The following SLC44A2 variants were observed in gnomAD, a reference collection of about 807,000 sequenced individuals.
The protein encoded by SLC44A2 is solute carrier family 44 member 2 (CTL2 blood group), also known as choline transporter-like protein 2.
SLC44A2 carries 57 observed loss-of-function variants against 90.8 expected under a neutral mutation model. That is an observed-to-expected ratio of 0.63 (90% confidence interval 0.51 to 0.78). The LOEUF (loss-of-function observed/expected upper bound fraction) is 0.78. Ranked by LOEUF, SLC44A2 falls within the 30% of genes least tolerant of loss-of-function variation. The pLI is 0.00. For missense variants in SLC44A2, 794 were observed against 919.7 expected, an observed-to-expected ratio of 0.86 and a Z score of 1.77; for synonymous variants, 355 against 360.7, an observed-to-expected ratio of 0.98 and a Z score of 0.18.
chr19:10,630,553 C>T (rs1230035620), intron 4 of SLC44A2, among the ~76,000 whole-genome samples: 2 of 150,476 alleles, frequency 1.3e-5, no homozygotes, highest in Non-Finnish European at 2.9e-5. Flanking sequence ...CCCAGCTACT[C>T]GGGAGGCTGA....
At chr19:10,635,753 C>T (rs903973382) in intron 14 of SLC44A2, 16 of 393,690 alleles carry the variant, frequency 4.1e-5, no homozygotes, top group Non-Finnish European at 7.3e-5. Context: ...GGTGCTAAAT[C>T]ACCCATTTTT....
rs151064433 is a variant in SLC44A2 at position 10,632,259 on chromosome 19, G to A, written c.823+103G>A. On this transcript the variant is annotated intron_variant, in intron 10 of 21. Transcript: ENST00000335757. ...CAGGAAAACAAAAAAAAGTCAGGCC[G>A]GGCGTGGTGGCTCACGCCTGTAATC... The A allele has an allele frequency of 1.4e-4, 141 of 1,035,954 alleles. No individual in the cohort carries two copies. In the African/African-American group the frequency reaches 1.9e-3, roughly 14 times the overall value. The allele number at this position is 1,035,954 out of a possible 1,614,324, so 64.2% of individuals were successfully genotyped here. A position where few individuals can be genotyped will look rare whatever the true frequency, so the allele number is the denominator to read the frequency against.
At chr19:10,632,733 C>T (rs558379776) in intron 10 of SLC44A2, among the ~76,000 whole-genome samples, 23 of 148,832 alleles carry the variant, frequency 1.5e-4, no homozygotes, top group Non-Finnish European at 2.4e-4. Context: ...AGTGCCATGG[C>T]GCGATCTTGG....
chr19:10,634,825 A>G lies in SLC44A2; in HGVS notation c.893A>G (p.Asp298Gly). ...GCCGGCTCTGATGTCTCTTTGGTGGACCTCGGCTTTCAGACGGATTTCCGG... is the reference window on the plus strand; with the variant it reads ...GCCGGCTCTGATGTCTCTTTGGTGGGCCTCGGCTTTCAGACGGATTTCCGG... Reference protein sequence around the residue: ...GEAGSDVSLVDLGFQTDFRVY... With the variant: ...GEAGSDVSLVGLGFQTDFRVY... The change falls in exon 11 of 22, where the codon GAC becomes GGC. Residue 298 changes from aspartate to glycine, a missense_variant. Physicochemically the swap from Asp to Gly is moderately conservative, Grantham distance 94 (BLOSUM62 -1). Coordinates refer to ENST00000335757, the MANE Select transcript of SLC44A2 (RefSeq NM_020428.4). 6.2e-7 allele frequency: 1 copy of G among 1,614,016 alleles called. No homozygotes were observed. Among genetic ancestry groups the G allele is most frequent in the Non-Finnish European group, 8.5e-7 (1 of 1,180,016 alleles).
In SLC44A2 at chr19:10,631,140, A is replaced by G. The variant is rs2066989515; in HGVS notation, c.329A>G (p.Gln110Arg). Reference protein sequence around the residue: ...VLLEFQCPTPQICVEKCPDRY... With the variant: ...VLLEFQCPTPRICVEKCPDRY... The stretch of plus-strand genomic sequence containing the variant: ...CTGGAATTCCAATGTCCCACTCCCC[A>G]GGTAACCTGGTCCCCACCGTTCCCT... The change falls in exon 5 of 22, where the codon CAG becomes CGG. Residue 110 changes from glutamine (Q) to arginine (R), a missense_variant and splice_region_variant. Gln to Arg is a conservative substitution (Grantham distance 43, BLOSUM62 1). Coordinates refer to ENST00000335757, the MANE Select transcript of SLC44A2 (RefSeq NM_020428.4). 6.2e-7 allele frequency: 1 copy of G among 1,613,360 alleles called. No individual in the cohort carries two copies. Among genetic ancestry groups the G allele is most frequent in the Non-Finnish European group, 8.5e-7 (1 of 1,179,700 alleles).
intron 1 of SLC44A2, among the ~76,000 whole-genome samples, chr19:10,613,247 TTTTC>T (rs1278457988): frequency 1.3e-5 from 2 of 150,486 alleles, no homozygotes; most frequent in African/African-American, 2.4e-5. Flanking sequence ...TTACTTTTTA[TTTTC>T]TTTCTTTTTT....
At chr19:10,607,948 G>A (rs1344441782) in intron 1 of SLC44A2, among the ~76,000 whole-genome samples, 2 of 149,970 alleles carry the variant, frequency 1.3e-5, no homozygotes, top group East Asian at 2.0e-4. Context: ...TAGTAGAGAC[G>A]GGATTTCACC....
In SLC44A2 at chr19:10,631,549, T is replaced by TC. The variant is rs767835027; in HGVS notation, c.502+17dup. On this transcript the variant is annotated intron_variant, in intron 7 of 21. Coordinates refer to ENST00000335757, the MANE Select transcript of SLC44A2 (RefSeq NM_020428.4). Reference sequence around the variant, plus strand: ...CCAGCAAACCCTGTGAGTCAGGGGATCCCAGGAGGCTCAGGTGGTGACGGG... The same window carrying TC: ...CCAGCAAACCCTGTGAGTCAGGGGATCCCCAGGAGGCTCAGGTGGTGACGGG... The TC allele has an allele frequency of 6.2e-7, 1 of 1,613,994 alleles. No homozygotes were observed. The highest frequency in any genetic ancestry group is 2.2e-5 in the East Asian group (1 of 44,880).
In SLC44A2 at chr19:10,638,268, G is replaced by A. The variant is rs753856028; in HGVS notation, c.1882G>A (p.Val628Met). Reference sequence around the variant, plus strand: ...CTTCTTCACCCACCGTATCAGGATCGTGCAGGATACAGCACCACCCCTCAA... The same window carrying A: ...CTTCTTCACCCACCGTATCAGGATCATGCAGGATACAGCACCACCCCTCAA... ...FFFFTHRIRI[V>M]QDTAPPLNYY... The change falls in exon 20 of 22, where the codon GTG (valine) becomes ATG (methionine). Residue 628 changes from valine (V) to methionine (M), a missense_variant. Val to Met is a conservative substitution (Grantham distance 21). This residue lies in a region of SLC44A2 where 738 missense variants were observed against 841.1 expected (regional missense o/e 0.88). Coordinates refer to ENST00000335757, the MANE Select transcript of SLC44A2 (RefSeq NM_020428.4). The A allele has an allele frequency of 6.8e-6, 11 of 1,613,906 alleles. No homozygotes were observed. The highest frequency in any genetic ancestry group is 5.3e-5 in the African/African-American group (4 of 74,872).
In SLC44A2 at chr19:10,638,103, G is replaced by A. The variant is rs751918525; in HGVS notation, c.1840+10G>A. 24 of 1,613,624 alleles carry A rather than the reference G, an allele frequency of 1.5e-5. No homozygotes were observed. The highest frequency in any genetic ancestry group is 4.0e-5 in the African/African-American group (3 of 74,786). On this transcript the variant is annotated intron_variant, in intron 19 of 21. Coordinates refer to ENST00000335757, the MANE Select transcript of SLC44A2 (RefSeq NM_020428.4). ...ATCGTTGGTAGTGTGGGTGAGTGCC[G>A]CCCACCTAGCCTCTCGGGGTGTGGG...
intron 21 of SLC44A2, 77 bp from the exon 22 acceptor site, chr19:10,643,202 C>T: frequency 6.6e-7 from 1 of 1,521,190 alleles, no homozygotes; most frequent in Non-Finnish European, 8.8e-7. Flanking sequence ...CTGTGACCCT[C>T]ATCCACCTAC....
intron 20 of SLC44A2, chr19:10,641,323 G>A (rs1257422249): frequency 2.4e-6 from 1 of 410,372 alleles, no homozygotes; most frequent in Non-Finnish European, 4.8e-6. Flanking sequence ...GAGCCTGGGA[G>A]GTCAAGGCTG....
chr19:10,613,974 T>C (rs1362745472), intron 1 of SLC44A2, among the ~76,000 whole-genome samples: 1 of 151,948 alleles, frequency 6.6e-6, no homozygotes, highest in Admixed American at 6.6e-5. Flanking sequence ...TTATTATTAT[T>C]ATTATTTTTG....
chr19:10,617,832 C>T (rs1192144614), intron 1 of SLC44A2, among the ~76,000 whole-genome samples: 4 of 152,188 alleles, frequency 2.6e-5, no homozygotes, highest in Admixed American at 6.6e-5. Context: ...CTCTATGCAG[C>T]CGCTCACCCT....
At chr19:10,637,779 C>T (rs772813816) in intron 17 of SLC44A2, 32 bp downstream of exon 17, 3 of 1,613,386 alleles carry the variant, frequency 1.9e-6, no homozygotes, top group Admixed American at 3.3e-5. Context: ...AACCAACCCG[C>T]CAGCTCCTGC....
chr19:10,637,467 A>G lies in SLC44A2; in HGVS notation c.1592-177A>G, dbSNP rs559519808. The G allele has an allele frequency of 8.8e-4, 538 of 610,036 alleles. 9 individuals carry two copies. The South Asian group carries it at 0.01, about 12-fold the overall frequency. 37.8% of individuals were successfully genotyped at this position (610,036 alleles called of 1,614,324 possible). A position where few individuals can be genotyped will look rare whatever the true frequency, so the allele number is the denominator to read the frequency against. On this transcript the variant is annotated intron_variant, in intron 16 of 21. Transcript: ENST00000335757. ...CACCCTGTCACCCAGGCTGGAGTGC[A>G]GTGGCACCATCATAGCTCACTGCAG...
chr19:10,616,387 C>T (rs978755647), intron 1 of SLC44A2, among the ~76,000 whole-genome samples: 6 of 151,924 alleles, frequency 3.9e-5, no homozygotes, highest in Admixed American at 6.6e-5. Flanking sequence ...CATGTCACCA[C>T]GCCCAGTTAA....
In SLC44A2 at chr19:10,634,852, T is replaced by C. The variant is rs760425157; in HGVS notation, c.920T>C (p.Val307Ala). ...CTCGGCTTTCAGACGGATTTCCGGG[T>C]GTACCTGCACTTACGGCAGACCTGG... ...VDLGFQTDFR[V>A]YLHLRQTWLA... Residue 307 changes from valine to alanine, a missense_variant, in exon 11 of 22, where the codon GTG becomes GCG. Around this residue, in one of 3 missense-constraint regions of SLC44A2, gnomAD observed 738 missense variants for 841.1 expected, o/e 0.88. Transcript: ENST00000335757. 1 of 1,614,134 alleles carries C rather than the reference T, an allele frequency of 6.2e-7. No individual in the cohort carries two copies. The highest frequency in any genetic ancestry group is 1.1e-5 in the South Asian group (1 of 91,088).
intron 1 of SLC44A2, 46 bp downstream of exon 1, chr19:10,625,716 C>T: frequency 8.1e-7 from 1 of 1,231,504 alleles, no homozygotes; most frequent in Non-Finnish European, 1.0e-6. Context: ...CCCCTCGGTC[C>T]CTCGGAGGGG....
Sources: gnomAD v4.1 joint callset for allele counts (sites outside exome capture counted in the v4.1 genomes callset) on GRCh38, gnomAD v4.1.1 for gene constraint, gnomAD v4.1.1 regional missense constraint, MANE v1.5 for transcripts, NCBI Gene and HGNC (gene_info 2026-07-23, HGNC 2026-07-21) for gene names.